The following TAF6 variants were observed in gnomAD, a reference collection of about 807,000 sequenced individuals.
TAF6 encodes the protein transcription initiation factor TFIID subunit 6.
In TAF6, 50 loss-of-function variants were observed where a neutral mutation model predicts 73.5. That is an observed-to-expected ratio of 0.68 (90% CI 0.54 to 0.86). The LOEUF (loss-of-function observed/expected upper bound fraction) is 0.86, where lower values mean the gene tolerates loss of function less well. TAF6 is among the 40% of genes least tolerant of loss of function. The probability of loss-of-function intolerance (pLI) is 0.00; values close to 1 mark genes in which losing one functional copy is unlikely to be tolerated. For synonymous variants in TAF6, 424 were observed against 376.7 expected, an observed-to-expected ratio of 1.13 and a Z score of -1.45; for missense variants, 768 against 899.5, an observed-to-expected ratio of 0.85 and a Z score of 1.87.
chr7:100,119,618 C>A, upstream of TAF6: 1 of 1,583,642 alleles, frequency 6.3e-7, no homozygotes, highest in Non-Finnish European at 8.6e-7. Flanking sequence ...TGGGCTGATC[C>A]TGCGCATGCG....
chr7:100,111,712 G>A lies in TAF6; in HGVS notation c.900+16C>T. On this transcript the variant is annotated intron_variant, in intron 9 of 14. Coordinates refer to ENST00000453269, the MANE Select transcript of TAF6 (RefSeq NM_139315.3). ...GTCCCTAGTCCCTGGAAGGGAGGAT[G>A]GGCAGGATCACTCACGTATTTTTCT... is the stretch of plus-strand genomic sequence containing the variant. 1 of 1,612,668 alleles carries A rather than the reference G, an allele frequency of 6.2e-7. No homozygotes were observed. Among genetic ancestry groups the A allele is most frequent in the South Asian group, 1.1e-5 (1 of 91,032 alleles).
chr7:100,107,149 T>C lies in TAF6; in HGVS notation c.*97A>G. On this transcript the variant is annotated 3_prime_UTR_variant, in exon 15 of 15. Coordinates refer to ENST00000453269, the MANE Select transcript of TAF6 (RefSeq NM_139315.3). The stretch of plus-strand genomic sequence containing the variant: ...AAAGAAAGTGACATGAAGGAAGCAA[T>C]CTACAACTTCCTTCCGCTTAGCGAG... The C allele has an allele frequency of 6.8e-7, 1 of 1,475,548 alleles. No individual in the cohort carries two copies. The highest frequency in any genetic ancestry group is 1.4e-5 in the South Asian group (1 of 73,152). The allele number at this position is 1,475,548 out of a possible 1,614,324, so 91.4% of individuals were successfully genotyped here. A position where few individuals can be genotyped will look rare whatever the true frequency, so the allele number is the denominator to read the frequency against.
intron 12 of TAF6, 115 bp from the exon 13 acceptor site, chr7:100,108,655 C>G: frequency 5.0e-6 from 6 of 1,203,234 alleles, no homozygotes; most frequent in Non-Finnish European, 5.8e-6. Context: ...AAAGGACATT[C>G]CTTATCATCT....
At chr7:100,108,791 T>C (rs748680806) in intron 12 of TAF6, 2 of 351,956 alleles carry the variant, frequency 5.7e-6, no homozygotes, top group Non-Finnish European at 1.0e-5. Context: ...ATCCCAGCAC[T>C]TGGGAGGCTG....
At position 100,108,464 on chromosome 7, in the gene TAF6, G is replaced by A; in HGVS notation, c.1361C>T (p.Ser454Phe). 2 of 1,614,046 alleles carry A rather than the reference G, an allele frequency of 1.2e-6. No homozygotes were observed. Among genetic ancestry groups the A allele is most frequent in the Non-Finnish European group, 1.7e-6 (2 of 1,179,956 alleles). Residue 454 changes from serine (S) to phenylalanine (F), a missense_variant, in exon 13 of 15, where the codon TCC becomes TTC. By Grantham distance (155) the Ser-to-Phe change is radical. Around this residue, in one of 5 missense-constraint regions of TAF6, gnomAD observed 350 missense variants for 352.3 expected, o/e 0.99. Transcript: ENST00000453269. ...CTGGGAGCAGAGGAGGGGCCCAAGG[G>A]ACCCGAATTCTGCCCGATAGGCGTC... ...NQDAYRAEFG[S>F]LGPLLCSQVV... is the part of the protein sequence containing the mutation.
rs904694659 is a variant in TAF6, at chr7:100,112,933, G to A, written c.455-16C>T. 2 of 1,607,924 alleles carry A rather than the reference G, an allele frequency of 1.2e-6. No individual in the cohort carries two copies. Among genetic ancestry groups the A allele is most frequent in the Non-Finnish European group, 1.7e-6 (2 of 1,177,432 alleles). On this transcript the variant is annotated splice_polypyrimidine_tract_variant and intron_variant, in intron 5 of 14. Transcript: ENST00000453269. Reference sequence around the variant, plus strand: ...TCTTTGGGAGCTGGTGGGAAAGCAGGCACAGCGGGAGGGGTGATGAGCATA... The same window carrying A: ...TCTTTGGGAGCTGGTGGGAAAGCAGACACAGCGGGAGGGGTGATGAGCATA...
chr7:100,114,936 GC>G (rs1797551359), intron 1 of TAF6, among the ~76,000 whole-genome samples: 1 of 152,138 alleles, frequency 6.6e-6, no homozygotes, highest in Admixed American at 6.5e-5. Context: ...AACTGATAGA[GC>G]CCAGGAGCTC....
rs770382039 is a variant in TAF6, at chr7:100,111,862, G to T, written c.799-33C>A. ...AGGGAGAAGTGCTGGGCATGGGGCA[G>T]GGAGACCCTCACAGGAGCTTCCACT... On this transcript the variant is annotated intron_variant, in intron 8 of 14. Coordinates refer to ENST00000453269, the MANE Select transcript of TAF6 (RefSeq NM_139315.3). The T allele has an allele frequency of 3.7e-6, 6 of 1,614,020 alleles. No individual in the cohort carries two copies. The African/African-American group carries it at 8.0e-5, about 22-fold the overall frequency.
chr7:100,107,249 C>G lies in TAF6; in HGVS notation c.2031G>C (p.Pro677=), dbSNP rs771230753. 1 of 1,522,734 alleles carries G rather than the reference C, an allele frequency of 6.6e-7. No homozygotes were observed. Among genetic ancestry groups the G allele is most frequent in the Non-Finnish European group, 8.8e-7 (1 of 1,138,660 alleles). The allele number at this position is 1,522,734 out of a possible 1,614,324, so 94.3% of individuals were successfully genotyped here. A position where few individuals can be genotyped will look rare whatever the true frequency, so the allele number is the denominator to read the frequency against. Residue 677 remains proline (P), a synonymous_variant, in exon 15 of 15, where the codon CCG becomes CCC. Transcript: ENST00000453269. ...CCGGGGGCTGGCAGGTGGAGCATCA[C>G]GGAGCAGGCTGAGGGGAGCCGGAGT... ...QPNSGSPQPA[P]
chr7:100,122,974 G>A, upstream of TAF6: 1 of 1,527,126 alleles, frequency 6.5e-7, no homozygotes, highest in Non-Finnish European at 8.9e-7. Context: ...AGGTTCTAGG[G>A]TTTGACTATA....
chr7:100,124,643 G>C, upstream of TAF6: 1 of 1,611,678 alleles, frequency 6.2e-7, no homozygotes, highest in Non-Finnish European at 8.5e-7. Context: ...TAAGCGTAAG[G>C]GTTGAACTCC....
Position 100,107,145 on chromosome 7 carries a change from G to A in TAF6, c.*101C>T, listed in dbSNP as rs1796584547. The A allele has an allele frequency of 2.7e-6, 4 of 1,460,692 alleles. No homozygotes were observed. Among genetic ancestry groups the A allele is most frequent in the East Asian group, 4.7e-5 (2 of 42,734 alleles). The allele number at this position is 1,460,692 out of a possible 1,614,324, so 90.5% of individuals were successfully genotyped here. On this transcript the variant is annotated 3_prime_UTR_variant, in exon 15 of 15. Coordinates refer to ENST00000453269, the MANE Select transcript of TAF6 (RefSeq NM_139315.3). ...CTAAAAAGAAAGTGACATGAAGGAA[G>A]CAATCTACAACTTCCTTCCGCTTAG...
intron 13 of TAF6, 46 bp from the exon 14 acceptor site, chr7:100,108,169 A>C: frequency 6.5e-7 from 1 of 1,549,066 alleles, no homozygotes; most frequent in Non-Finnish European, 8.7e-7. Flanking sequence ...TCTACTAAGA[A>C]GAGGAGTCTG....
In TAF6 at chr7:100,112,191, T is replaced by C; in HGVS notation, c.637A>G (p.Ile213Val). 1 of 1,614,180 alleles carries C rather than the reference T, an allele frequency of 6.2e-7. No individual in the cohort carries two copies. Among genetic ancestry groups the C allele is most frequent in the East Asian group, 2.2e-5 (1 of 44,884 alleles). ...TGCTGCTCCACAGACAACTCGTGGA[T>C]GCTCCGGGGCTTCAGTCGCAAGGGG... Reference protein sequence around the residue: ...GAPLRLKPRSIHELSVEQQLY... With the variant: ...GAPLRLKPRSVHELSVEQQLY... Residue 213 changes from isoleucine to valine, a missense_variant, in exon 7 of 15, where the codon ATC becomes GTC. Ile to Val is a conservative substitution (Grantham distance 29, BLOSUM62 3). Around this residue, in one of 5 missense-constraint regions of TAF6, gnomAD observed 78 missense variants for 153.4 expected, o/e 0.51. Transcript: ENST00000453269.
chr7:100,109,411 G>A (rs1337299654), intron 12 of TAF6, among the ~76,000 whole-genome samples: 1 of 152,070 alleles, frequency 6.6e-6, no homozygotes, highest in Non-Finnish European at 1.5e-5. Flanking sequence ...GGTTAATCAA[G>A]AGCGCATTTG....
intron 14 of TAF6, 82 bp downstream of exon 14, chr7:100,107,844 G>A: frequency 6.7e-7 from 1 of 1,501,266 alleles, no homozygotes; most frequent in Non-Finnish European, 9.0e-7. Context: ...AGAGGGGACT[G>A]TGCTCTACTC....
chr7:100,108,648 G>T, intron 12 of TAF6, 108 bp from the exon 13 acceptor site: 1 of 1,285,052 alleles, frequency 7.8e-7, no homozygotes, highest in Non-Finnish European at 1.1e-6. Flanking sequence ...GGGTAAAAAA[G>T]GACATTCCTT....
upstream of TAF6, chr7:100,122,380 C>T (rs1203493592): frequency 6.2e-7 from 1 of 1,614,096 alleles, no homozygotes; most frequent in Non-Finnish European, 8.5e-7. Context: ...TGCCTTACAG[C>T]GTTTCGTGAG....
upstream of TAF6, chr7:100,124,795 G>A (rs775517744): frequency 1.9e-6 from 3 of 1,612,844 alleles, no homozygotes; most frequent in South Asian, 3.3e-5. Context: ...GGGAGGAAGA[G>A]CAGGAGGAGG....
Sources: gnomAD v4.1 joint callset for allele counts (sites outside exome capture counted in the v4.1 genomes callset) on GRCh38, gnomAD v4.1.1 for gene constraint, gnomAD v4.1.1 regional missense constraint, MANE v1.5 for transcripts, NCBI Gene and HGNC (gene_info 2026-07-23, HGNC 2026-07-21) for gene names.